Variants in PDE9A observed in about 807,000 individuals in gnomAD.
PDE9A encodes the protein phosphodiesterase 9A.
In PDE9A, 60 loss-of-function variants were observed where a neutral mutation model predicts 87.4. The ratio of observed to expected loss-of-function variants is 0.69; its 90% CI spans 0.56 to 0.85. PDE9A has a LOEUF of 0.85. PDE9A is among the 40% of genes least tolerant of loss of function. PDE9A has a pLI of 0.00. For missense variants in PDE9A, 665 were observed against 779.0 expected (o/e 0.85, Z 1.74); for synonymous variants, 272 against 279.4 (o/e 0.97, Z 0.27).
intron 9 of PDE9A, 128 bp downstream of exon 9, chr21:42,751,325 G>T: frequency 1.4e-6 from 1 of 740,730 alleles, no homozygotes; most frequent in East Asian, 2.5e-5. Flanking sequence ...GCCCTGGGCC[G>T]CTGACGGTGC....
chr21:42,728,489 A>G (rs2095618881), intron 4 of PDE9A, among the ~76,000 whole-genome samples: 1 of 152,148 alleles, frequency 6.6e-6, no homozygotes, highest in Non-Finnish European at 1.5e-5. Context: ...TTGATTGGAG[A>G]CTACATTGAT....
Position 42,773,588 on chromosome 21 carries a change from C to CAA in PDE9A, c.1768+1068_1768+1069insAA, listed in dbSNP as rs535537139. 8.1e-4 allele frequency among the ~76,000 whole-genome samples: 122 copies of CAA among 151,246 alleles called. 2 individuals carry two copies. The South Asian group carries it at 0.021, about 27-fold the overall frequency. Reference sequence around the variant, plus strand: ...TTTGGGAGGCCAAGGCGGCGGATCACGAGGAGATCGAGACCATCCTGGCTA... The same window carrying CAA: ...TTTGGGAGGCCAAGGCGGCGGATCACAAGAGGAGATCGAGACCATCCTGGCTA... On this transcript the variant is annotated intron_variant, in intron 19 of 19. Coordinates refer to ENST00000291539, the MANE Select transcript of PDE9A (RefSeq NM_002606.3).
chr21:42,769,310 CATACACAT>C (rs2056700690), intron 17 of PDE9A, among the ~76,000 whole-genome samples, 155 bp downstream of exon 17: 1 of 151,508 alleles, frequency 6.6e-6, no homozygotes, highest in Admixed American at 6.6e-5. Flanking sequence ...CATACAGGCA[CATACACAT>C]ATACACACAC....
At chr21:42,770,324 G>A (rs1003273713) in intron 17 of PDE9A, among the ~76,000 whole-genome samples, 1 of 152,092 alleles carries the variant, frequency 6.6e-6, no homozygotes, top group African/African-American at 2.4e-5. Context: ...CCTACGCTGC[G>A]CATCCTTCTG....
chr21:42,758,252 G>A (rs1173943290), intron 10 of PDE9A: 1 of 152,242 alleles, frequency 6.6e-6, no homozygotes, highest in Non-Finnish European at 1.5e-5. Flanking sequence ...CCAAAGCACT[G>A]AGCTGTATTG....
intron 1 of PDE9A, among the ~76,000 whole-genome samples, chr21:42,662,842 AC>A (rs1192248902): frequency 6.4e-5 from 8 of 125,914 alleles, no homozygotes; most frequent in African/African-American, 3.2e-4. Flanking sequence ...CCCACCACAC[AC>A]CACACACATG....
chr21:42,770,603 C>T lies in PDE9A; in HGVS notation c.1591-100C>T. ...GGGTGTCCAGGAGCTGGGACTGGCC[C>T]AGAGGTTTCCGCACGGAGCACCTGA... On this transcript the variant is annotated intron_variant, in intron 17 of 19. Transcript: ENST00000291539. 2.3e-6 allele frequency: 2 copies of T among 853,618 alleles called. 1 individual carries two copies. The highest frequency in any genetic ancestry group is 5.2e-5 in the East Asian group (2 of 38,642). 52.9% of individuals were successfully genotyped at this position (853,618 alleles called of 1,614,324 possible).
At chr21:42,750,482 TA>T (rs1441929473) in intron 8 of PDE9A, among the ~76,000 whole-genome samples, 1 of 152,022 alleles carries the variant, frequency 6.6e-6, no homozygotes, top group Non-Finnish European at 1.5e-5. Context: ...TTTTTTACTT[TA>T]CTCTTGTGTT....
At position 42,760,501 on chromosome 21, in the gene PDE9A, G is replaced by A; in HGVS notation, c.1002+69G>A. 2.0e-6 allele frequency: 2 copies of A among 981,652 alleles called. No individual in the cohort carries two copies. The highest frequency in any genetic ancestry group is 2.0e-5 in the Admixed American group (1 of 49,108). The allele number at this position is 981,652 out of a possible 1,614,324, so 60.8% of individuals were successfully genotyped here. On this transcript the variant is annotated intron_variant, in intron 12 of 19. Transcript: ENST00000291539. This position sits in a 1 kb window ranked among gnomAD's most constrained non-coding sequence, Gnocchi z 5.2. Reference sequence around the variant, plus strand: ...TCAGACGGAGGCCCCCTTCCAGGGAGCGGCAGCCCCATCCCACCAAGAGAG... The same window carrying A: ...TCAGACGGAGGCCCCCTTCCAGGGAACGGCAGCCCCATCCCACCAAGAGAG...
chr21:42,716,751 T>C (rs1286575789), intron 4 of PDE9A, among the ~76,000 whole-genome samples: 4 of 127,630 alleles, frequency 3.1e-5, no homozygotes, highest in Non-Finnish European at 6.7e-5. Context: ...AATTTCCTTT[T>C]TTTTTTTTTT....
At chr21:42,686,342 G>A (rs1050858623) in intron 2 of PDE9A, 80 bp downstream of exon 2, 50 of 1,190,000 alleles carry the variant, frequency 4.2e-5, no homozygotes, top group Non-Finnish European at 6.3e-5. Context: ...GGGGCGGGAA[G>A]AGGCGCTGAA....
At chr21:42,768,365 C>CA (rs34734386) in intron 16 of PDE9A, 73 bp downstream of exon 16, 83,584 of 1,139,052 alleles carry the variant, frequency 0.073, 4,817 homozygotes, top group African/African-American at 0.26. Context: ...TTGCGTTAAA[C>CA]GAGCACGCCT....
intron 3 of PDE9A, chr21:42,697,493 G>A (rs2060207613): frequency 6.3e-7 from 1 of 1,579,006 alleles, no homozygotes; most frequent in Non-Finnish European, 8.7e-7. Flanking sequence ...CCCACCAGGT[G>A]AATACTTGCA....
At chr21:42,657,300 T>G (rs1453807122) in intron 1 of PDE9A, among the ~76,000 whole-genome samples, 1 of 152,174 alleles carries the variant, frequency 6.6e-6, no homozygotes, top group Non-Finnish European at 1.5e-5. Flanking sequence ...ACTTGGCACT[T>G]CCCCAGCACC....
At chr21:42,668,898 A>ACCCCCCCCCCCCCCCCTCCCCCCC (rs375148519) in intron 1 of PDE9A, among the ~76,000 whole-genome samples, 2 of 104,784 alleles carry the variant, frequency 1.9e-5, no homozygotes, top group African/African-American at 9.2e-5. Flanking sequence ...TGCTCCCTCC[A>ACCCCCCCCCCCCCCCCTCCCCCCC]CCCCCCGCCA....
At chr21:42,671,267 C>T (rs80012059) in intron 1 of PDE9A, among the ~76,000 whole-genome samples, 3,518 of 152,222 alleles carry the variant, frequency 0.023, 67 homozygotes, top group Middle Eastern at 0.048. Flanking sequence ...CTCTTGTGTA[C>T]GTCTGAGCAT....
chr21:42,687,506 A>G (rs1433245247), intron 2 of PDE9A, among the ~76,000 whole-genome samples: 3 of 152,150 alleles, frequency 2.0e-5, no homozygotes, highest in African/African-American at 7.2e-5. Flanking sequence ...AGCATTTAAA[A>G]CTATTTTGTA....
chr21:42,767,684 TTCCAGACAC>T (rs1426993041), intron 15 of PDE9A, among the ~76,000 whole-genome samples: 2 of 152,178 alleles, frequency 1.3e-5, no homozygotes, highest in African/African-American at 4.8e-5. Flanking sequence ...AACCTGGTGA[TTCCAGACAC>T]TCATTTGTGC....
At chr21:42,729,963 A>G (rs1352520469) in intron 4 of PDE9A, among the ~76,000 whole-genome samples, 2 of 152,216 alleles carry the variant, frequency 1.3e-5, no homozygotes, top group East Asian at 3.8e-4. Context: ...GCCTGAAATG[A>G]ACATAGCACT....
Sources: allele counts gnomAD v4.1 joint callset (sites outside exome capture counted in the v4.1 genomes callset), GRCh38; gene constraint gnomAD v4.1.1; non-coding constraint Gnocchi (gnomAD v3.1); transcripts MANE v1.5; gene names NCBI Gene and HGNC (gene_info 2026-07-23, HGNC 2026-07-21).